Variants in ZCWPW2 observed in about 807,000 individuals in gnomAD.
The protein encoded by ZCWPW2 is zinc finger CW-type PWWP domain protein 2.
ZCWPW2 carries 45 observed loss-of-function variants against 46.6 expected under a neutral mutation model. That is an observed-to-expected ratio of 0.96 (90% CI 0.76 to 1.24). ZCWPW2 has a LOEUF of 1.24. Among genes scored for constraint, ZCWPW2 ranks in the 50% most tolerant of loss-of-function variants. The probability of loss-of-function intolerance (pLI) is 0.00; values close to 1 mark genes in which losing one functional copy is unlikely to be tolerated. For synonymous variants in ZCWPW2, 152 were observed against 137.1 expected (o/e 1.11, Z -0.76); for missense variants, 429 against 403.9 (o/e 1.06, Z -0.53).
chr3:28,381,326 TA>T (rs1695097712), intron 1 of ZCWPW2, among the ~76,000 whole-genome samples: 1 of 151,798 alleles, frequency 6.6e-6, no homozygotes, highest in Non-Finnish European at 1.5e-5. Context: ...ATCTGTTGTA[TA>T]CTGTATTCTT....
intron 6 of ZCWPW2, among the ~76,000 whole-genome samples, chr3:28,513,669 CA>C (rs1700486433): frequency 6.6e-6 from 1 of 152,162 alleles, no homozygotes; most frequent in Non-Finnish European, 1.5e-5. Flanking sequence ...TTTGGGCCCT[CA>C]CTATGTCAGT....
At chr3:28,512,804 T>C (rs992124550) in intron 6 of ZCWPW2, among the ~76,000 whole-genome samples, 37 of 152,252 alleles carry the variant, frequency 2.4e-4, no homozygotes, top group African/African-American at 8.2e-4. Context: ...TTCTTAAAAA[T>C]TCTTTCATGG....
chr3:28,407,902 A>C (rs1696229375), intron 2 of ZCWPW2, among the ~76,000 whole-genome samples: 1 of 152,192 alleles, frequency 6.6e-6, no homozygotes, highest in South Asian at 2.1e-4. Flanking sequence ...TCTTGTGAAC[A>C]CATTCACTTC....
intron 8 of ZCWPW2, among the ~76,000 whole-genome samples, chr3:28,516,148 G>C (rs528858782): frequency 1.2e-3 from 177 of 151,966 alleles, no homozygotes; most frequent in Non-Finnish European, 2.0e-3. Flanking sequence ...GCTGAGGCAG[G>C]AGAATCACTT....
intron 3 of ZCWPW2, among the ~76,000 whole-genome samples, chr3:28,414,278 T>C (rs972947652): frequency 1.3e-5 from 2 of 151,804 alleles, no homozygotes; most frequent in Non-Finnish European, 2.9e-5. Flanking sequence ...AGTTTAGTCT[T>C]TCTTGTCAAA....
chr3:28,467,323 G>A (rs1371453275), intron 4 of ZCWPW2, among the ~76,000 whole-genome samples: 1 of 149,814 alleles, frequency 6.7e-6, no homozygotes, highest in Non-Finnish European at 1.5e-5. Context: ...GTACATAGAG[G>A]AAAGGGATAT....
intron 2 of ZCWPW2, among the ~76,000 whole-genome samples, chr3:28,405,156 C>T (rs571578626): frequency 1.3e-5 from 2 of 152,256 alleles, no homozygotes; most frequent in South Asian, 4.1e-4. Flanking sequence ...ACGTACTTTT[C>T]CTAAGTCTCT....
chr3:28,474,538 TCTCA>T (rs1445179711), intron 4 of ZCWPW2, among the ~76,000 whole-genome samples: 3 of 151,892 alleles, frequency 2.0e-5, no homozygotes, highest in African/African-American at 7.3e-5. Context: ...ACATCTGTTT[TCTCA>T]TTCTTTCAGT....
chr3:28,352,770 C>G (rs551229522), intron 1 of ZCWPW2, among the ~76,000 whole-genome samples: 9 of 152,200 alleles, frequency 5.9e-5, no homozygotes, highest in African/African-American at 2.2e-4. Flanking sequence ...TAGAATTAAC[C>G]TGAATTCTGT....
chr3:28,477,849 T>C (rs1043645951), intron 4 of ZCWPW2, among the ~76,000 whole-genome samples: 3 of 152,166 alleles, frequency 2.0e-5, no homozygotes, highest in Admixed American at 6.5e-5. Flanking sequence ...GCATGCATTT[T>C]ATAAATATAA....
At chr3:28,351,848 C>CT (rs1454560498) in intron 1 of ZCWPW2, among the ~76,000 whole-genome samples, 1 of 151,982 alleles carries the variant, frequency 6.6e-6, no homozygotes, top group Non-Finnish European at 1.5e-5. Context: ...ATGGCAGTGT[C>CT]TGTCTTTTCA....
chr3:28,390,897 A>G (rs1257543154), intron 2 of ZCWPW2, among the ~76,000 whole-genome samples: 1 of 152,178 alleles, frequency 6.6e-6, no homozygotes, highest in Non-Finnish European at 1.5e-5. Context: ...AAGAACAGTG[A>G]AACACTCTAT....
At chr3:28,478,773 AT>A (rs1306615126) in intron 4 of ZCWPW2, 40 bp from the exon 5 acceptor site, 33 of 1,108,864 alleles carry the variant, frequency 3.0e-5, no homozygotes, top group Non-Finnish European at 4.1e-5. Flanking sequence ...AAAGTTATAT[AT>A]TTAAAAATGA....
At chr3:28,383,042 T>C (rs1178496709) in intron 1 of ZCWPW2, among the ~76,000 whole-genome samples, 2 of 152,172 alleles carry the variant, frequency 1.3e-5, no homozygotes, top group South Asian at 2.1e-4. Context: ...GAAATATTAA[T>C]CAGGGCAGAC....
At chr3:28,364,408 C>A (rs920400016) in intron 1 of ZCWPW2, among the ~76,000 whole-genome samples, 1 of 151,886 alleles carries the variant, frequency 6.6e-6, no homozygotes, top group Non-Finnish European at 1.5e-5. Flanking sequence ...GCAAATTGTG[C>A]TGCTATAAAC....
At chr3:28,507,911 A>G (rs1379122734) in intron 6 of ZCWPW2, among the ~76,000 whole-genome samples, 1 of 152,100 alleles carries the variant, frequency 6.6e-6, no homozygotes, top group Non-Finnish European at 1.5e-5. Context: ...TCTGTTTGTA[A>G]TTCTGTGTTT....
chr3:28,426,215 A>G (rs982291529), intron 3 of ZCWPW2, among the ~76,000 whole-genome samples: 1 of 152,032 alleles, frequency 6.6e-6, no homozygotes, highest in African/African-American at 2.4e-5. Context: ...CCAGAAAGAT[A>G]AAACTCTCCA....
At chr3:28,500,715 T>A (rs534361746) in intron 6 of ZCWPW2, among the ~76,000 whole-genome samples, 1 of 152,288 alleles carries the variant, frequency 6.6e-6, no homozygotes, top group African/African-American at 2.4e-5. Flanking sequence ...GTCTGGATAT[T>A]TGTGGTAATT....
intron 3 of ZCWPW2, among the ~76,000 whole-genome samples, chr3:28,424,549 G>A (rs965413731): frequency 6.6e-6 from 1 of 152,102 alleles, no homozygotes; most frequent in Non-Finnish European, 1.5e-5. Context: ...GCAAGAAGGT[G>A]GGCATCTATA....
Sources: gnomAD v4.1 joint callset for allele counts (sites outside exome capture counted in the v4.1 genomes callset) on GRCh38, gnomAD v4.1.1 for gene constraint, MANE v1.5 for transcripts, NCBI Gene and HGNC (gene_info 2026-07-23, HGNC 2026-07-21) for gene names.